CNTNAP2: variants seen among roughly 807,000 people sequenced by gnomAD.
CNTNAP2 encodes contactin associated protein 2.
Under a neutral mutation model 155.2 loss-of-function variants are expected in CNTNAP2, and 98 were observed. The observed-to-expected ratio is 0.63, with a 90% CI of 0.54 to 0.75. The LOEUF (loss-of-function observed/expected upper bound fraction) is 0.75, where lower values mean the gene tolerates loss of function less well. Ranked by LOEUF, CNTNAP2 falls within the 30% of genes least tolerant of loss-of-function variation. CNTNAP2 has a pLI of 0.00. For missense variants in CNTNAP2, 1,727 were observed against 1,688.1 expected, an observed-to-expected ratio of 1.02 and a Z score of -0.40; for synonymous variants, 651 against 631.2, an observed-to-expected ratio of 1.03 and a Z score of -0.47.
chr7:148,043,081 G>C (rs1465716705), intron 15 of CNTNAP2, among the ~76,000 whole-genome samples: 1 of 152,160 alleles, frequency 6.6e-6, no homozygotes, highest in African/African-American at 2.4e-5. Flanking sequence ...TTTATGGTTT[G>C]ACACTACATC....
At chr7:146,385,322 C>G (rs1379160164) in intron 1 of CNTNAP2, among the ~76,000 whole-genome samples, 2 of 152,120 alleles carry the variant, frequency 1.3e-5, no homozygotes, top group Non-Finnish European at 2.9e-5. Flanking sequence ...CTGTACAGAG[C>G]CATGGCATGG....
intron 8 of CNTNAP2, among the ~76,000 whole-genome samples, chr7:147,149,516 C>T (rs1034197772): frequency 6.6e-6 from 1 of 152,084 alleles, no homozygotes; most frequent in Non-Finnish European, 1.5e-5. Flanking sequence ...TAGGTAGAGG[C>T]CAGATTATGG....
At chr7:146,760,076 A>G (rs1484550010) in intron 1 of CNTNAP2, among the ~76,000 whole-genome samples, 3 of 152,142 alleles carry the variant, frequency 2.0e-5, no homozygotes, top group African/African-American at 7.2e-5. Context: ...TACAGAATCT[A>G]TGACTGGTAA....
chr7:146,934,975 C>G (rs1344562324), intron 3 of CNTNAP2, among the ~76,000 whole-genome samples: 1 of 152,130 alleles, frequency 6.6e-6, no homozygotes, highest in African/African-American at 2.4e-5. Context: ...CTAAATAGTC[C>G]ATTTGCTATT....
chr7:148,102,308 TC>T (rs1337079321), intron 15 of CNTNAP2, among the ~76,000 whole-genome samples: 2 of 152,228 alleles, frequency 1.3e-5, no homozygotes, highest in Non-Finnish European at 2.9e-5. Context: ...ATGATCTCAT[TC>T]TTTTTTATGG....
In CNTNAP2 at chr7:146,745,000, T is replaced by C. The variant is rs188729655; in HGVS notation, c.98-29271T>C. Among the ~76,000 whole-genome samples the C allele has an allele frequency of 9.8e-4, 150 of 152,314 alleles. 1 individual carries two copies. The highest frequency in any genetic ancestry group is 1.8e-3 in the Non-Finnish European group (121 of 68,018). On this transcript the variant is annotated intron_variant, in intron 1 of 23. Coordinates refer to ENST00000361727, the MANE Select transcript of CNTNAP2 (RefSeq NM_014141.6). The stretch of plus-strand genomic sequence containing the variant: ...ATATTCAACTCCCTAATCCAATCCT[T>C]TTTCTTTCAGAACAACTTTGGAATT...
rs74665771 is a variant in CNTNAP2, at chr7:146,887,209, G to A, written c.402+47305G>A. Among the ~76,000 whole-genome samples, 1,395 of 152,010 alleles carry A rather than the reference G, an allele frequency of 9.2e-3. 21 individuals carry two copies. Among genetic ancestry groups the A allele is most frequent in the African/African-American group, 0.033 (1,354 of 41,446 alleles). On this transcript the variant is annotated intron_variant, in intron 3 of 23. Transcript: ENST00000361727. Reference sequence around the variant, plus strand: ...TTGTGGCCCAGGCTGGAGTACAATGGCGCGATCTTGGCTCACTGCAAACTC... The same window carrying A: ...TTGTGGCCCAGGCTGGAGTACAATGACGCGATCTTGGCTCACTGCAAACTC...
At chr7:148,193,057 C>T (rs993979934) in intron 18 of CNTNAP2, among the ~76,000 whole-genome samples, 5 of 152,106 alleles carry the variant, frequency 3.3e-5, no homozygotes, top group Middle Eastern at 3.4e-3. Context: ...AATGAATATA[C>T]TTTTGAGGTA....
chr7:146,504,765 C>CA (rs1797357242), intron 1 of CNTNAP2, among the ~76,000 whole-genome samples: 1 of 97,806 alleles, frequency 1.0e-5, no homozygotes, highest in South Asian at 5.0e-4. Context: ...CATAAGGCCA[C>CA]CCCCAGGTAG....
chr7:147,745,673 G>A (rs1281050443), intron 13 of CNTNAP2, among the ~76,000 whole-genome samples: 1 of 152,166 alleles, frequency 6.6e-6, no homozygotes, highest in Non-Finnish European at 1.5e-5. Context: ...CTATAATGAA[G>A]TCAGCATTAC....
chr7:147,918,590 AT>A (rs1394037790), intron 14 of CNTNAP2, among the ~76,000 whole-genome samples: 2 of 152,272 alleles, frequency 1.3e-5, no homozygotes, highest in East Asian at 3.9e-4. Context: ...GACTTTATTA[AT>A]TTTTTTGGAA....
intron 10 of CNTNAP2, among the ~76,000 whole-genome samples, chr7:147,471,234 GCATA>G (rs1798211430): frequency 6.6e-6 from 1 of 152,108 alleles, no homozygotes; most frequent in African/African-American, 2.4e-5. Context: ...TTGCACTCTT[GCATA>G]CAAAGTTTAA....
chr7:146,151,679 T>TATATATATATAC (rs1798050193), intron 1 of CNTNAP2, among the ~76,000 whole-genome samples: 1 of 33,168 alleles, frequency 3.0e-5, no homozygotes, highest in Non-Finnish European at 5.9e-5. Flanking sequence ...TATATATATA[T>TATATATATATAC]ATGTATATAT....
At position 148,383,823 on chromosome 7, in the gene CNTNAP2, C is replaced by T. The variant is rs1409978017; in HGVS notation, c.3650C>T (p.Ser1217Leu). ...GELVESNCGA[S>L]PLTLSPMSSA... ...CTGGTGGAGTCCAACTGCGGGGCCTCGCCGCTGACCCTCTCCCCCATGTCG... is the reference window on the plus strand; with the variant it reads ...CTGGTGGAGTCCAACTGCGGGGCCTTGCCGCTGACCCTCTCCCCCATGTCG... The change falls in exon 22 of 24, where the codon TCG becomes TTG. Residue 1217 changes from serine to leucine, a missense_variant. Physicochemically the swap from Ser to Leu is moderately radical, Grantham distance 145 (BLOSUM62 -2). Transcript: ENST00000361727. 5 of 1,614,012 alleles carry T rather than the reference C, an allele frequency of 3.1e-6. No individual in the cohort carries two copies. Among genetic ancestry groups the T allele is most frequent in the East Asian group, 2.2e-5 (1 of 44,886 alleles).
chr7:146,258,209 T>A (rs1799868466), intron 1 of CNTNAP2, among the ~76,000 whole-genome samples: 1 of 152,150 alleles, frequency 6.6e-6, no homozygotes, highest in South Asian at 2.1e-4. Flanking sequence ...CTATTTGTCT[T>A]CATTCATTTA....
intron 3 of CNTNAP2, among the ~76,000 whole-genome samples, chr7:146,858,464 C>T (rs961995738): frequency 5.9e-5 from 9 of 152,284 alleles, no homozygotes; most frequent in South Asian, 2.1e-4. Context: ...GAGGCCAAGG[C>T]GAGAGGATCA....
intron 13 of CNTNAP2, among the ~76,000 whole-genome samples, chr7:147,715,574 A>G (rs546216181): frequency 1.7e-4 from 26 of 152,068 alleles, no homozygotes; most frequent in African/African-American, 6.0e-4. Flanking sequence ...ATTGAGAATT[A>G]TTTATATGTT....
At chr7:147,173,887 GGGAGTGAGTATACAT>G (rs1182635736) in intron 8 of CNTNAP2, among the ~76,000 whole-genome samples, 2 of 152,120 alleles carry the variant, frequency 1.3e-5, no homozygotes, top group Admixed American at 1.3e-4. Flanking sequence ...CACAGAATTG[GGGAGTGAGTATACAT>G]GGAGAAAATT....
At chr7:146,783,241 A>G (rs554073480) in intron 2 of CNTNAP2, among the ~76,000 whole-genome samples, 3 of 152,246 alleles carry the variant, frequency 2.0e-5, no homozygotes, top group Non-Finnish European at 4.4e-5. Context: ...CATATAAAAA[A>G]TTGTTCTGGA....
Sources: gnomAD v4.1 joint callset for allele counts (sites outside exome capture counted in the v4.1 genomes callset) on GRCh38, gnomAD v4.1.1 for gene constraint, MANE v1.5 for transcripts, NCBI Gene and HGNC (gene_info 2026-07-23, HGNC 2026-07-21) for gene names.